The following MS4A4E variants were observed in gnomAD, a reference collection of about 807,000 sequenced individuals.
MS4A4E encodes the protein membrane spanning 4-domains A4E.
A neutral mutation model predicts 13.3 loss-of-function variants in MS4A4E; 23 were observed. The observed-to-expected ratio is 1.73, with a 90% CI of 1.25 to 2.45. MS4A4E has a LOEUF of 2.45. Among genes scored for constraint, MS4A4E ranks in the 30% most tolerant of loss-of-function variants. MS4A4E has a pLI of 0.00. For missense variants in MS4A4E, 144 were observed against 131.2 expected (o/e 1.10, Z -0.48); for synonymous variants, 36 against 45.6 (o/e 0.79, Z 0.85).
intron 1 of MS4A4E, among the ~76,000 whole-genome samples, chr11:60,236,877 C>T (rs533811689): frequency 1.4e-4 from 22 of 152,138 alleles, no homozygotes; most frequent in Admixed American, 1.4e-3. Flanking sequence ...CCTGGGACTA[C>T]AGGCATGCAC....
intron 5 of MS4A4E, among the ~76,000 whole-genome samples, chr11:60,212,191 G>T (rs1372063452): frequency 1.3e-5 from 2 of 152,154 alleles, no homozygotes; most frequent in Non-Finnish European, 2.9e-5. Flanking sequence ...ACATGTTGAG[G>T]ATAAAAGTGG....
chr11:60,233,665 G>T (rs1426251), intron 1 of MS4A4E, among the ~76,000 whole-genome samples: 19,526 of 152,218 alleles, frequency 0.13, 1,340 homozygotes, highest in Middle Eastern at 0.16. Flanking sequence ...GAGATGTAGG[G>T]GCATGGCTTT....
intron 8 of MS4A4E, among the ~76,000 whole-genome samples, chr11:60,203,005 G>GA (rs1278035751): frequency 6.6e-6 from 1 of 152,084 alleles, no homozygotes; most frequent in African/African-American, 2.4e-5. Flanking sequence ...GAAAATTACC[G>GA]ATTTTCAGGG....
chr11:60,213,503 A>T (rs1190819581), intron 4 of MS4A4E, among the ~76,000 whole-genome samples: 2 of 151,942 alleles, frequency 1.3e-5, no homozygotes, highest in Non-Finnish European at 2.9e-5. Context: ...TCTACATTTT[A>T]AATTATTTTT....
In MS4A4E at chr11:60,204,944, T is replaced by C. The variant is rs1391870898; in HGVS notation, c.605A>G (p.Gln202Arg). Among the ~76,000 whole-genome samples the C allele has an allele frequency of 1.3e-5, 2 of 152,176 alleles. No homozygotes were observed. Among genetic ancestry groups the C allele is most frequent in the Non-Finnish European group, 2.9e-5 (2 of 68,028 alleles). Reference protein sequence around the residue: ...DSTVWCSGDGQYLEKVYYDIL... With the variant: ...DSTVWCSGDGRYLEKVYYDIL... The stretch of plus-strand genomic sequence containing the variant: ...GTCATAATAGACTTTTTCCAGATAC[T>C]GTCCATCTCCGGAGCTGGAGAAAGT... Residue 202 changes from glutamine (Q) to arginine (R), a missense_variant, in exon 8 of 9, where the codon CAG becomes CGG. By Grantham distance (43) the Gln-to-Arg change is conservative. Coordinates refer to ENST00000651255, the MANE Select transcript of MS4A4E (RefSeq NM_001393391.1).
chr11:60,216,851 G>A (rs1590712651), intron 3 of MS4A4E, among the ~76,000 whole-genome samples: 1 of 151,930 alleles, frequency 6.6e-6, no homozygotes, highest in African/African-American at 2.4e-5. Flanking sequence ...AATAAAAGGA[G>A]GCAGAAAAAC....
At chr11:60,218,469 G>A (rs372470889) in intron 3 of MS4A4E, among the ~76,000 whole-genome samples, 26 of 152,210 alleles carry the variant, frequency 1.7e-4, no homozygotes, top group South Asian at 1.5e-3. Context: ...GGGGTGTCAC[G>A]GAACCTATCG....
chr11:60,203,612 G>T (rs1343478624), intron 8 of MS4A4E, among the ~76,000 whole-genome samples: 3 of 152,218 alleles, frequency 2.0e-5, no homozygotes, highest in South Asian at 4.2e-4. Context: ...AGCCAGGTGT[G>T]GTGGTGTATG....
intron 7 of MS4A4E, among the ~76,000 whole-genome samples, 177 bp downstream of exon 7, chr11:60,205,537 C>G: frequency 6.6e-6 from 1 of 151,882 alleles, no homozygotes. Flanking sequence ...TTTATTATAC[C>G]AAGAAATTAT....
At chr11:60,239,542 G>A (rs553807951) in intron 1 of MS4A4E, among the ~76,000 whole-genome samples, 20 of 152,230 alleles carry the variant, frequency 1.3e-4, no homozygotes, top group Admixed American at 1.3e-3. Flanking sequence ...TGTTATTCAT[G>A]GTACCGTGTT....
At chr11:60,230,413 A>T (rs1313155686) in intron 1 of MS4A4E, among the ~76,000 whole-genome samples, 1 of 152,186 alleles carries the variant, frequency 6.6e-6, no homozygotes, top group East Asian at 1.9e-4. Flanking sequence ...GATTACAGCC[A>T]CTTCCCCATG....
At chr11:60,242,385 C>A (rs1269411596) in intron 1 of MS4A4E, among the ~76,000 whole-genome samples, 2 of 152,148 alleles carry the variant, frequency 1.3e-5, no homozygotes, top group Non-Finnish European at 2.9e-5. Flanking sequence ...TTATCATGAG[C>A]AGCCTCAGTT....
chr11:60,214,261 T>C (rs1057061812), intron 4 of MS4A4E, among the ~76,000 whole-genome samples: 2 of 152,164 alleles, frequency 1.3e-5, no homozygotes, highest in Non-Finnish European at 2.9e-5. Flanking sequence ...CAATACTTGG[T>C]GTGACTGTCA....
intron 3 of MS4A4E, among the ~76,000 whole-genome samples, chr11:60,221,922 C>T (rs957078398): frequency 2.0e-5 from 3 of 152,162 alleles, no homozygotes; most frequent in Admixed American, 2.0e-4. Context: ...CCTCTTTCTC[C>T]AGCCACCCCT....
At chr11:60,223,985 A>C (rs892363111) in intron 3 of MS4A4E, among the ~76,000 whole-genome samples, 8 of 152,176 alleles carry the variant, frequency 5.3e-5, no homozygotes, top group Non-Finnish European at 1.0e-4. Flanking sequence ...TCCGCTGTAC[A>C]CGAGTGAAGG....
chr11:60,229,148 A>G (rs2134960834), intron 2 of MS4A4E, among the ~76,000 whole-genome samples: 1 of 152,352 alleles, frequency 6.6e-6, no homozygotes, highest in South Asian at 2.1e-4. Flanking sequence ...GGCATATGGG[A>G]TATACCTGTA....
At chr11:60,230,401 T>G (rs2084393794) in intron 1 of MS4A4E, among the ~76,000 whole-genome samples, 1 of 152,256 alleles carries the variant, frequency 6.6e-6, no homozygotes, top group South Asian at 2.1e-4. Flanking sequence ...GCCTAGTCTC[T>G]TGATTACAGC....
At position 60,225,401 on chromosome 11, in the gene MS4A4E, A is replaced by G. The variant is rs150835484; in HGVS notation, c.178+3193T>C. ...CAACTGTTTCTCTCTTTTGTCACAC[A>G]CTCAGAGAAAAGTGGCCAAGGAATT... On this transcript the variant is annotated intron_variant, in intron 3 of 8. Coordinates refer to ENST00000651255, the MANE Select transcript of MS4A4E (RefSeq NM_001393391.1). Among the ~76,000 whole-genome samples the G allele has an allele frequency of 3.8e-3, 583 of 152,270 alleles. 4 individuals are homozygous for G. Among genetic ancestry groups the G allele is most frequent in the African/African-American group, 0.013 (527 of 41,552 alleles).
chr11:60,222,980 C>A (rs2084291010), intron 3 of MS4A4E, among the ~76,000 whole-genome samples: 1 of 152,242 alleles, frequency 6.6e-6, no homozygotes, highest in South Asian at 2.1e-4. Flanking sequence ...CTACAACAAC[C>A]CAATCTGGGC....
Sources: allele counts gnomAD v4.1 joint callset (sites outside exome capture counted in the v4.1 genomes callset), GRCh38; gene constraint gnomAD v4.1.1; transcripts MANE v1.5; gene names NCBI Gene and HGNC (gene_info 2026-07-23, HGNC 2026-07-21).